The following KRT31 variants were observed in gnomAD, a reference collection of about 807,000 sequenced individuals.
KRT31 encodes the protein keratin 31.
A neutral mutation model predicts 40.8 loss-of-function variants in KRT31; 27 were observed. The ratio of observed to expected loss-of-function variants is 0.66; its 90% CI spans 0.49 to 0.91. The LOEUF (loss-of-function observed/expected upper bound fraction) is 0.91, where lower values mean the gene tolerates loss of function less well. Ranked by LOEUF, KRT31 falls within the 40% of genes least tolerant of loss-of-function variation. The pLI is 0.00. For synonymous variants in KRT31, 231 were observed against 231.9 expected, an observed-to-expected ratio of 1.00 and a Z score of 0.03; for missense variants, 510 against 544.1, an observed-to-expected ratio of 0.94 and a Z score of 0.62.
chr17:41,394,531 GC>G (rs1174541820), intron 6 of KRT31, among the ~76,000 whole-genome samples: 1 of 152,188 alleles, frequency 6.6e-6, no homozygotes, highest in Non-Finnish European at 1.5e-5. Context: ...AAATCAGGTA[GC>G]CTATGGGAAT....
In KRT31 at chr17:41,397,307, T is replaced by C. The variant is rs751763235; in HGVS notation, c.233A>G (p.Glu78Gly). Residue 78 changes from glutamate (E) to glycine (G), a missense_variant, in exon 1 of 7, where the codon GAG (glutamate) becomes GGG (glycine). Glu to Gly is a moderately conservative substitution (Grantham distance 98). Coordinates refer to ENST00000251645, the MANE Select transcript of KRT31 (RefSeq NM_002277.3). ...ASYLEKVRQL[E>G]RDNAELENLI... is the part of the protein sequence containing the mutation. Reference sequence around the variant, plus strand: ...GTTCTCCAGCTCCGCGTTGTCCCGCTCCAGCTGACGCACTTTCTCCAGGTA... The same window carrying C: ...GTTCTCCAGCTCCGCGTTGTCCCGCCCCAGCTGACGCACTTTCTCCAGGTA... The C allele has an allele frequency of 4.0e-5, 64 of 1,614,172 alleles. No homozygotes were observed. Among genetic ancestry groups the C allele is most frequent in the Non-Finnish European group, 4.7e-5 (56 of 1,180,040 alleles).
In KRT31 at chr17:41,395,017, G is replaced by A. The variant is rs2018196693; in HGVS notation, c.928C>T (p.Gln310Ter). 2 of 1,614,140 alleles carry A rather than the reference G, an allele frequency of 1.2e-6. No individual in the cohort carries two copies. Among genetic ancestry groups the A allele is most frequent in the Admixed American group, 1.7e-5 (1 of 60,014 alleles). The change falls in exon 6 of 7, where the codon CAG becomes TAG. Residue 310 changes from glutamine (Q) to a stop codon, truncating the protein, a stop_gained. Coordinates refer to ENST00000251645, the MANE Select transcript of KRT31 (RefSeq NM_002277.3). LOFTEE classifies it high-confidence loss of function. The stretch of plus-strand genomic sequence containing the variant: ...ATCAGGCTCTGCACCTGGGACAGCT[G>A]GGAGCTGTAGCGGGCCTCACTCTCT... ...LTESEARYSS[Q>*]LSQVQSLITN...
At chr17:41,395,418 T>A in intron 4 of KRT31, 44 bp downstream of exon 4, 1 of 1,613,888 alleles carries the variant, frequency 6.2e-7, no homozygotes, top group Non-Finnish European at 8.5e-7. Flanking sequence ...TCCGGGGCCC[T>A]GGGGGGCCTT....
Position 41,395,582 on chromosome 17 carries a change from A to G in KRT31, c.630T>C (p.Asn210=), listed in dbSNP as rs768577067. 57 of 1,614,034 alleles carry G rather than the reference A, an allele frequency of 3.5e-5. No individual in the cohort carries two copies. In the East Asian group the frequency reaches 9.4e-4, roughly 26 times the overall value. Residue 210 remains asparagine, a synonymous_variant, in exon 4 of 7, where the codon AAT becomes AAC. Coordinates refer to ENST00000251645, the MANE Select transcript of KRT31 (RefSeq NM_002277.3). ...TLRCQLGDRL[N]VEVDAAPTVD... is the part of the protein sequence containing the mutation. ...CAGTGGGAGCAGCATCCACCTCCAC[A>G]TTGAGGCGGTCTCCAAGCTGGCAGC...
chr17:41,396,172 T>C (rs568874469), intron 3 of KRT31, among the ~76,000 whole-genome samples: 16 of 152,286 alleles, frequency 1.1e-4, no homozygotes, highest in African/African-American at 3.8e-4. Flanking sequence ...CTACAACTAT[T>C]GATCAACTGC....
At chr17:41,396,380 G>A (rs1451590244) in intron 3 of KRT31, 40 bp downstream of exon 3, 11 of 1,597,574 alleles carry the variant, frequency 6.9e-6, no homozygotes, top group Non-Finnish European at 8.5e-6. Flanking sequence ...CTGAGCCAGA[G>A]GCTGAGACAG....
chr17:41,394,277 G>T, intron 6 of KRT31, 108 bp from the exon 7 acceptor site: 1 of 1,189,562 alleles, frequency 8.4e-7, no homozygotes, highest in Non-Finnish European at 1.2e-6. Flanking sequence ...ACTTGACCTG[G>T]CCTAGAACAG....
intron 3 of KRT31, among the ~76,000 whole-genome samples, 173 bp downstream of exon 3, chr17:41,396,247 G>A (rs957831749): frequency 2.0e-5 from 3 of 152,246 alleles, no homozygotes; most frequent in African/African-American, 7.2e-5. Context: ...GATGTTTCCT[G>A]TCTGGGAACA....
intron 3 of KRT31, 88 bp downstream of exon 3, chr17:41,396,332 T>C (rs2018226036): frequency 1.5e-6 from 2 of 1,309,406 alleles, no homozygotes; most frequent in Admixed American, 4.5e-5. Flanking sequence ...CTTGTACTCA[T>C]ACTCTGCATT....
rs372548012 is a variant in KRT31, at chr17:41,395,038, T to C, written c.907A>G (p.Ser303Gly). ...RDSLENTLTE[S>G]EARYSSQLSQ... is the part of the protein sequence containing the mutation. ...AGCTGGGAGCTGTAGCGGGCCTCAC[T>C]CTCTGTCAGCGTGTTTTCCAGAGAG... The change falls in exon 6 of 7, where the codon AGT becomes GGT. Residue 303 changes from serine to glycine, a missense_variant. By Grantham distance (56) the Ser-to-Gly change is moderately conservative. Transcript: ENST00000251645. 9.3e-6 allele frequency: 15 copies of C among 1,614,104 alleles called. No homozygotes were observed. In the African/African-American group the frequency reaches 1.9e-4, roughly 20 times the overall value.
At position 41,393,773 on chromosome 17, in the gene KRT31, G is replaced by A. The variant is rs1037170137; in HGVS notation, c.*243C>T. The A allele has an allele frequency of 1.0e-5, 5 of 494,024 alleles. No homozygotes were observed. Among genetic ancestry groups the A allele is most frequent in the Non-Finnish European group, 1.4e-5 (4 of 284,438 alleles). 30.6% of individuals were successfully genotyped at this position (494,024 alleles called of 1,614,324 possible). On this transcript the variant is annotated 3_prime_UTR_variant, in exon 7 of 7. Transcript: ENST00000251645. ...AGGAGGTTAAAAGGGAGGCCCACTG[G>A]CACATCAGAGAGTTCTCTGGGTGAG...
intron 1 of KRT31, 23 bp downstream of exon 1, chr17:41,397,169 G>C: frequency 1.2e-6 from 2 of 1,609,842 alleles, no homozygotes; most frequent in East Asian, 4.5e-5. Context: ...CTCTTGCTTG[G>C]AGATGACAGC....
In KRT31 at chr17:41,394,801, A is replaced by T. The variant is rs776080592; in HGVS notation, c.1097+47T>A. On this transcript the variant is annotated intron_variant, in intron 6 of 6. Transcript: ENST00000251645. Reference sequence around the variant, plus strand: ...TATTTGCATGGTGTCTAACTGTTACACTCACACGTGCATCATTTCATCAAA... The same window carrying T: ...TATTTGCATGGTGTCTAACTGTTACTCTCACACGTGCATCATTTCATCAAA... 9 of 1,609,268 alleles carry T rather than the reference A, an allele frequency of 5.6e-6. 1 individual carries two copies. The South Asian group carries it at 9.9e-5, about 18-fold the overall frequency.
rs2018244110 is a variant in KRT31, at chr17:41,397,173, T to C, written c.348+19A>G. On this transcript the variant is annotated intron_variant, in intron 1 of 6. Transcript: ENST00000251645. ...CACAGCAAACTCTCTTGCTTGGAGA[T>C]GACAGCAATGCCGCTCACCTTCTGC... is the stretch of plus-strand genomic sequence containing the variant. 6.2e-7 allele frequency: 1 copy of C among 1,610,558 alleles called. No individual in the cohort carries two copies. The highest frequency in any genetic ancestry group is 8.5e-7 in the Non-Finnish European group (1 of 1,177,288).
At chr17:41,394,277 G>A in intron 6 of KRT31, 108 bp from the exon 7 acceptor site, 1 of 1,189,562 alleles carries the variant, frequency 8.4e-7, no homozygotes. Flanking sequence ...ACTTGACCTG[G>A]CCTAGAACAG....
chr17:41,396,442 C>A lies in KRT31; in HGVS notation c.566G>T (p.Cys189Phe), dbSNP rs2018227826. The change falls in exon 3 of 7, where the codon TGC becomes TTC. Residue 189 changes from cysteine to phenylalanine, a missense_variant. Cys to Phe is a radical substitution (Grantham distance 205, BLOSUM62 -2). Coordinates refer to ENST00000251645, the MANE Select transcript of KRT31 (RefSeq NM_002277.3). ...QVESLKEELL[C>F]LKSNHEQEVN... ...CACCTGCTCATGGTTGCTCTTGAGGCAGAGCAGCTCCTCCTTCAGGGACTC... is the reference window on the plus strand; with the variant it reads ...CACCTGCTCATGGTTGCTCTTGAGGAAGAGCAGCTCCTCCTTCAGGGACTC... The A allele has an allele frequency of 3.1e-6, 5 of 1,613,954 alleles. No homozygotes were observed. Among genetic ancestry groups the A allele is most frequent in the African/African-American group, 2.7e-5 (2 of 74,932 alleles).
In KRT31 at chr17:41,397,439, G is replaced by A. The variant is rs1201423002; in HGVS notation, c.101C>T (p.Ala34Val). The change falls in exon 1 of 7, where the codon GCC becomes GTC. Residue 34 changes from alanine (A) to valine (V), a missense_variant. Physicochemically the swap from Ala to Val is moderately conservative, Grantham distance 64. Transcript: ENST00000251645. Reference sequence around the variant, plus strand: ...GCTCACATTGGCGGGGATGTTGCAGGCCCCGGGCAGGGTGCAGCTGTGGCA... The same window carrying A: ...GCTCACATTGGCGGGGATGTTGCAGACCCCGGGCAGGGTGCAGCTGTGGCA... ...PSCHSCTLPG[A>V]CNIPANVSNC... is the part of the protein sequence containing the mutation. The A allele has an allele frequency of 1.9e-6, 3 of 1,612,986 alleles. No individual in the cohort carries two copies. Among genetic ancestry groups the A allele is most frequent in the East Asian group, 2.2e-5 (1 of 44,868 alleles).
chr17:41,397,330 G>T lies in KRT31; in HGVS notation c.210C>A (p.Tyr70Ter). The change falls in exon 1 of 7, where the codon TAC becomes TAA. Residue 70 changes from tyrosine to a stop codon, truncating the protein, a stop_gained. Coordinates refer to ENST00000251645, the MANE Select transcript of KRT31 (RefSeq NM_002277.3). LOFTEE classifies it high-confidence loss of function. ...MQFLNDRLAS[Y>*]LEKVRQLERD... ...GCTCCAGCTGACGCACTTTCTCCAG[G>T]TAGCTGGCCAGGCGGTCGTTCAGGA... The T allele has an allele frequency of 6.2e-7, 1 of 1,614,070 alleles. No individual in the cohort carries two copies. Among genetic ancestry groups the T allele is most frequent in the Non-Finnish European group, 8.5e-7 (1 of 1,180,050 alleles).
chr17:41,396,914 T>G lies in KRT31; in HGVS notation c.430A>C (p.Lys144Gln). 6.2e-7 allele frequency: 1 copy of G among 1,612,850 alleles called. No individual in the cohort carries two copies. The highest frequency in any genetic ancestry group is 2.2e-5 in the East Asian group (1 of 44,880). Residue 144 changes from lysine (K) to glutamine (Q), a missense_variant and splice_region_variant, in exon 2 of 7, where the codon AAG becomes CAG. Coordinates refer to ENST00000251645, the MANE Select transcript of KRT31 (RefSeq NM_002277.3). ...TAGTGCAAATTCCGAACAACTCACT[T>G]GGTTCTGAAATCATCCGCAGCCAGC... ...AKLAADDFRT[K>Q]YQTELSLRQL...
Sources: gnomAD v4.1 joint callset for allele counts (sites outside exome capture counted in the v4.1 genomes callset) on GRCh38, gnomAD v4.1.1 for gene constraint, MANE v1.5 for transcripts, NCBI Gene and HGNC (gene_info 2026-07-23, HGNC 2026-07-21) for gene names.